PRDM16: variants seen among roughly 807,000 people sequenced by gnomAD.
The protein encoded by PRDM16 is histone-lysine N-methyltransferase PRDM16.
Under a neutral mutation model 110.6 loss-of-function variants are expected in PRDM16, and 23 were observed. That is an observed-to-expected ratio of 0.21 (90% CI 0.15 to 0.29). The LOEUF (loss-of-function observed/expected upper bound fraction) is 0.29, where lower values mean the gene tolerates loss of function less well. Among genes scored for constraint, PRDM16 ranks in the 10% least tolerant of loss-of-function variants. PRDM16 has a pLI of 1.00. For synonymous variants in PRDM16, 799 were observed against 781.8 expected, an observed-to-expected ratio of 1.02 and a Z score of -0.37; for missense variants, 1,615 against 1,794.3, an observed-to-expected ratio of 0.90 and a Z score of 1.81.
At chr1:3,347,465 G>A (rs748002363) in intron 3 of PRDM16, among the ~76,000 whole-genome samples, 1 of 152,214 alleles carries the variant, frequency 6.6e-6, no homozygotes, top group Non-Finnish European at 1.5e-5. Flanking sequence ...GCTCCTGGAA[G>A]GCCCCGCCCT....
chr1:3,138,582 G>T (rs1225258555), intron 1 of PRDM16, among the ~76,000 whole-genome samples: 2 of 152,280 alleles, frequency 1.3e-5, no homozygotes, highest in African/African-American at 4.8e-5. Context: ...GTGTTTGGGA[G>T]AGGTGGGCAA....
At chr1:3,344,936 C>T (rs910506326) in intron 3 of PRDM16, among the ~76,000 whole-genome samples, 3 of 152,132 alleles carry the variant, frequency 2.0e-5, no homozygotes, top group Non-Finnish European at 4.4e-5. Context: ...TCTGTGGGGC[C>T]CTTTGCAACC....
intron 1 of PRDM16, among the ~76,000 whole-genome samples, chr1:3,131,796 T>A (rs1386305231): frequency 6.6e-6 from 1 of 152,136 alleles, no homozygotes; most frequent in Non-Finnish European, 1.5e-5. Context: ...CCAGGCTGCG[T>A]CCTGCAGTGA....
At chr1:3,198,668 A>G (rs10909897) in intron 2 of PRDM16, among the ~76,000 whole-genome samples, 53,204 of 152,100 alleles carry the variant, frequency 0.35, 12,884 homozygotes, top group African/African-American at 0.67. Flanking sequence ...GCTCTCGTGC[A>G]TCCACTCTGG....
chr1:3,380,292 C>G (rs992988144), intron 3 of PRDM16, among the ~76,000 whole-genome samples: 1 of 152,038 alleles, frequency 6.6e-6, no homozygotes, highest in African/African-American at 2.4e-5. Context: ...AAGGAGTTAA[C>G]CAAGACCTCC....
At chr1:3,114,254 G>GCA (rs1243692713) in intron 1 of PRDM16, among the ~76,000 whole-genome samples, 2 of 117,340 alleles carry the variant, frequency 1.7e-5, no homozygotes. Context: ...ACATGCACAC[G>GCA]CACGCGCACA....
intron 3 of PRDM16, chr1:3,306,556 C>T (rs949995216): frequency 3.9e-5 from 6 of 152,262 alleles, no homozygotes; most frequent in Middle Eastern, 3.4e-3. Context: ...TCTACTACCT[C>T]GTAGCTTCTC....
chr1:3,409,304 G>T (rs1406252767), intron 8 of PRDM16, among the ~76,000 whole-genome samples: 1 of 152,024 alleles, frequency 6.6e-6, no homozygotes, highest in African/African-American at 2.4e-5. Flanking sequence ...CCGAGGGCCA[G>T]GTAGGTGACC....
chr1:3,112,311 T>C (rs186674352), intron 1 of PRDM16, among the ~76,000 whole-genome samples: 1,855 of 152,328 alleles, frequency 0.012, 15 homozygotes, highest in Admixed American at 0.019. Context: ...TTCCCACTTA[T>C]ACGAAATGAT....
chr1:3,422,760 G>T (rs972168986), intron 12 of PRDM16, among the ~76,000 whole-genome samples: 1 of 152,256 alleles, frequency 6.6e-6, no homozygotes, highest in African/African-American at 2.4e-5. Context: ...TCTTGTGTGA[G>T]TTCACAGGCC....
chr1:3,409,862 T>TGGG (rs1643648105), intron 8 of PRDM16, among the ~76,000 whole-genome samples: 8 of 76,918 alleles, frequency 1.0e-4, no homozygotes, highest in Admixed American at 6.7e-4. Flanking sequence ...GTGTGTGGTG[T>TGGG]TTGTGTGCAT....
chr1:3,114,586 GA>G (rs1229542266), intron 1 of PRDM16, among the ~76,000 whole-genome samples: 1 of 151,344 alleles, frequency 6.6e-6, no homozygotes, highest in Non-Finnish European at 1.5e-5. Context: ...GCACACACAA[GA>G]ACACACGTGC....
chr1:3,371,885 T>C (rs1642914303), intron 3 of PRDM16, among the ~76,000 whole-genome samples: 1 of 152,206 alleles, frequency 6.6e-6, no homozygotes, highest in African/African-American at 2.4e-5. Context: ...GATATGAGGG[T>C]GGCTACCCCT....
chr1:3,361,039 C>A (rs151224169), intron 3 of PRDM16, among the ~76,000 whole-genome samples: 1 of 152,318 alleles, frequency 6.6e-6, no homozygotes, highest in African/African-American at 2.4e-5. Context: ...CTAACAACGG[C>A]GGCAGTGTCT....
At position 3,118,996 on chromosome 1, in the gene PRDM16, G is replaced by C. The variant is rs148648124; in HGVS notation, c.37+49700G>C. On this transcript the variant is annotated intron_variant, in intron 1 of 16. Coordinates refer to ENST00000270722, the MANE Select transcript of PRDM16 (RefSeq NM_022114.4). ...GAGCGAGACCCTGGCCCACAGGGTT[G>C]CTTGACCCCAGAGCAGGCAGGGTGG... Among the ~76,000 whole-genome samples the C allele has an allele frequency of 1.1e-4, 17 of 152,340 alleles. No individual in the cohort carries two copies. In the East Asian group the frequency reaches 3.3e-3, roughly 29 times the overall value.
intron 1 of PRDM16, among the ~76,000 whole-genome samples, chr1:3,096,683 C>T (rs985421954): frequency 2.6e-5 from 4 of 152,174 alleles, no homozygotes; most frequent in Non-Finnish European, 4.4e-5. Flanking sequence ...AAGACGGCCC[C>T]GTCCCAGGGC....
At chr1:3,180,150 T>C (rs1644133159) in intron 1 of PRDM16, among the ~76,000 whole-genome samples, 1 of 152,088 alleles carries the variant, frequency 6.6e-6, no homozygotes, top group Non-Finnish European at 1.5e-5. Context: ...TCCACAGTTA[T>C]TTCTGTTGTT....
At chr1:3,070,805 C>T (rs866158638) in intron 1 of PRDM16, among the ~76,000 whole-genome samples, 1 of 152,216 alleles carries the variant, frequency 6.6e-6, no homozygotes, top group South Asian at 2.1e-4. Flanking sequence ...CAGGGAAAAG[C>T]AGCTCCCGAG....
At chr1:3,110,597 G>A (rs1020464648) in intron 1 of PRDM16, among the ~76,000 whole-genome samples, 6 of 152,260 alleles carry the variant, frequency 3.9e-5, no homozygotes, top group Admixed American at 2.0e-4. Context: ...CCTGGGGAAC[G>A]TATTTTAGTG....
Sources: allele counts gnomAD v4.1 joint callset (sites outside exome capture counted in the v4.1 genomes callset), GRCh38; gene constraint gnomAD v4.1.1; transcripts MANE v1.5; gene names NCBI Gene and HGNC (gene_info 2026-07-23, HGNC 2026-07-21).